TAF1D: variants seen among roughly 807,000 people sequenced by gnomAD.
TAF1D encodes TATA-box binding protein associated factor, RNA polymerase I subunit D.
A neutral mutation model predicts 26.2 loss-of-function variants in TAF1D; 23 were observed. The observed-to-expected ratio is 0.88, with a 90% CI of 0.63 to 1.25. The LOEUF (loss-of-function observed/expected upper bound fraction) is 1.25. TAF1D is among the 50% of genes most tolerant of loss of function. TAF1D has a pLI of 0.00. For synonymous variants in TAF1D, 100 were observed against 105.6 expected (o/e 0.95, Z 0.33); for missense variants, 299 against 322.0 (o/e 0.93, Z 0.55).
At chr11:93,731,920 G>C, downstream of TAF1D, 1 of 428,224 alleles carries the variant, frequency 2.3e-6, no homozygotes. Context: ...GGTCCTATAA[G>C]AGCTGAAAAT....
chr11:93,738,345 A>G lies in TAF1D; in HGVS notation c.223T>C (p.Leu75=). ...SSDSSFEPIP[L]TIKAIFERFK... ...CTTTCAAAAATAGCTTTTATAGTCAATGGTATTGGTTCAAAAGATGAGTCA... is the reference window on the plus strand; with the variant it reads ...CTTTCAAAAATAGCTTTTATAGTCAGTGGTATTGGTTCAAAAGATGAGTCA... The change falls in exon 3 of 6, where the codon TTG becomes CTG. Residue 75 remains leucine, a synonymous_variant. Coordinates refer to ENST00000448108, the MANE Select transcript of TAF1D (RefSeq NM_024116.4). The G allele has an allele frequency of 2.5e-6, 4 of 1,613,322 alleles. No homozygotes were observed. Among genetic ancestry groups the G allele is most frequent in the Non-Finnish European group, 3.4e-6 (4 of 1,179,838 alleles).
exon 12 of TAF1D, chr11:93,730,281 T>G (rs774460049): frequency 1.0e-5 from 16 of 1,527,642 alleles, no homozygotes; most frequent in Non-Finnish European, 1.3e-5. Context: ...TTTCTAGAAA[T>G]AGTGTAAAGG....
At chr11:93,736,792 G>A (rs754593450) in intron 4 of TAF1D, 41 bp from the exon 5 acceptor site, 10 of 1,576,554 alleles carry the variant, frequency 6.3e-6, no homozygotes, top group South Asian at 2.3e-5. Flanking sequence ...CAGAATCTTC[G>A]ATGACCTAAT....
chr11:93,736,492 A>C, intron 5 of TAF1D, 188 bp from the exon 6 acceptor site: 1 of 1,426,400 alleles, frequency 7.0e-7, no homozygotes, highest in Non-Finnish European at 9.1e-7. Flanking sequence ...TCAGAATGCT[A>C]CTTATTAAAA....
Position 93,736,143 on chromosome 11 carries a change from T to G in TAF1D, c.*18A>C. The G allele has an allele frequency of 6.2e-7, 1 of 1,613,348 alleles. No homozygotes were observed. The highest frequency in any genetic ancestry group is 8.5e-7 in the Non-Finnish European group (1 of 1,179,718). ...GTCGTTTTTTCTATATGCTTCACCT[T>G]TGACATTCATGATCCTGTCACATTT... On this transcript the variant is annotated 3_prime_UTR_variant, in exon 6 of 6. Coordinates refer to ENST00000448108, the MANE Select transcript of TAF1D (RefSeq NM_024116.4).
downstream of TAF1D, chr11:93,734,625 C>G: frequency 1.2e-6 from 1 of 821,492 alleles, no homozygotes; most frequent in Non-Finnish European, 1.8e-6. Context: ...TGAGACATAC[C>G]TTTAACTCCA....
chr11:93,741,099 T>C (rs1941939826), intron 1 of TAF1D, among the ~76,000 whole-genome samples: 1 of 152,202 alleles, frequency 6.6e-6, no homozygotes, highest in African/African-American at 2.4e-5. Flanking sequence ...AACACCTCCA[T>C]CTCAAGATAT....
At chr11:93,741,247 C>A (rs1313474810) in intron 1 of TAF1D, 75 bp downstream of exon 1, 5 of 448,254 alleles carry the variant, frequency 1.1e-5, no homozygotes, top group Non-Finnish European at 2.2e-5. Flanking sequence ...AACGAAGGGG[C>A]CCCGGGAAAC....
rs372936310 is a variant in TAF1D, at chr11:93,737,393, T to C, written c.460-154A>G. On this transcript the variant is annotated intron_variant, in intron 3 of 5. Coordinates refer to ENST00000448108, the MANE Select transcript of TAF1D (RefSeq NM_024116.4). Reference sequence around the variant, plus strand: ...TTGTGGACTTATCAAATGCTGATTATTAAAATTCACATTACAATTATGAAT... The same window carrying C: ...TTGTGGACTTATCAAATGCTGATTACTAAAATTCACATTACAATTATGAAT... Among the ~76,000 whole-genome samples the C allele has an allele frequency of 3.9e-5, 6 of 152,200 alleles. No individual in the cohort carries two copies. In the South Asian group the frequency reaches 6.2e-4, roughly 16 times the overall value.
At chr11:93,741,234 A>C (rs1941982552) in intron 1 of TAF1D, 88 bp downstream of exon 1, 2 of 440,826 alleles carry the variant, frequency 4.5e-6, no homozygotes. Flanking sequence ...GATCCTCCGG[A>C]CCAACGAAGG....
intron 1 of TAF1D, among the ~76,000 whole-genome samples, chr11:93,739,961 C>CAAAAAAA (rs67574108): frequency 0.028 from 2,142 of 75,344 alleles, 4 homozygotes; most frequent in Non-Finnish European, 0.036. Flanking sequence ...TACAACATAC[C>CAAAAAAA]AAAAAAAAAA....
At chr11:93,730,540 A>G (rs1246228309) in exon 12 of TAF1D, 2 of 659,184 alleles carry the variant, frequency 3.0e-6, no homozygotes, top group Non-Finnish European at 5.7e-6. Flanking sequence ...AAAACATAGC[A>G]CCAAACATTA....
At chr11:93,733,032 T>C (rs2135447406), downstream of TAF1D, 2 of 338,792 alleles carry the variant, frequency 5.9e-6, 1 homozygote, top group Non-Finnish European at 1.2e-5. Flanking sequence ...ATGGTGTAAT[T>C]TCTATTTTTC....
At chr11:93,732,602 C>CT (rs1291187652), downstream of TAF1D, 1 of 377,058 alleles carries the variant, frequency 2.7e-6, no homozygotes, top group Non-Finnish European at 5.3e-6. Context: ...ATAATTTGAG[C>CT]TTTTTTCCTA....
intron 4 of TAF1D, 27 bp from the exon 5 acceptor site, chr11:93,736,778 A>G (rs1431558363): frequency 1.3e-6 from 2 of 1,593,352 alleles, no homozygotes; most frequent in Non-Finnish European, 1.7e-6. Context: ...TATCATCGAG[A>G]TGACAGAATC....
At position 93,738,407 on chromosome 11, in the gene TAF1D, C is replaced by A; in HGVS notation, c.161G>T (p.Arg54Leu). The stretch of plus-strand genomic sequence containing the variant: ...ACTTGCGTGAACACTTTCAGGTGTA[C>A]GAACAAATTTTCGAATGGGGTTTCT... ...EKRNPIRKFVRTPESVHASDS... is the reference protein window; with the variant it reads ...EKRNPIRKFVLTPESVHASDS... Residue 54 changes from arginine to leucine, a missense_variant, in exon 3 of 6, where the codon CGT becomes CTT. Coordinates refer to ENST00000448108, the MANE Select transcript of TAF1D (RefSeq NM_024116.4). The A allele has an allele frequency of 6.2e-7, 1 of 1,613,224 alleles. No homozygotes were observed. Among genetic ancestry groups the A allele is most frequent in the East Asian group, 2.2e-5 (1 of 44,848 alleles).
At chr11:93,736,933 TC>T in intron 4 of TAF1D, 130 bp downstream of exon 4, 1 of 1,097,674 alleles carries the variant, frequency 9.1e-7, no homozygotes, top group Non-Finnish European at 1.3e-6. Context: ...ACTGTAATAA[TC>T]CCAATTGTCA....
chr11:93,736,947 CT>C, intron 4 of TAF1D, 116 bp downstream of exon 4: 1 of 1,112,672 alleles, frequency 9.0e-7, no homozygotes, highest in Non-Finnish European at 1.3e-6. Flanking sequence ...AATTGTCATA[CT>C]CTGTATCTTT....
chr11:93,735,698 T>A lies in TAF1D; in HGVS notation c.*463A>T. ...AAATAGTATTAAAGATACTCTAAAT[T>A]TGGAAAGGGAAATGAGGTTATTACA... On this transcript the variant is annotated 3_prime_UTR_variant, in exon 6 of 6. Transcript: ENST00000448108. 1 of 1,005,032 alleles carries A rather than the reference T, an allele frequency of 9.9e-7. No homozygotes were observed. Among genetic ancestry groups the A allele is most frequent in the Admixed American group, 5.4e-5 (1 of 18,378 alleles). 62.3% of individuals were successfully genotyped at this position (1,005,032 alleles called of 1,614,324 possible).
Sources: gnomAD v4.1 joint callset for allele counts (sites outside exome capture counted in the v4.1 genomes callset) on GRCh38, gnomAD v4.1.1 for gene constraint, MANE v1.5 for transcripts, NCBI Gene and HGNC (gene_info 2026-07-23, HGNC 2026-07-21) for gene names.